The following TMEM114 variants were observed in gnomAD, a reference collection of about 807,000 sequenced individuals.
TMEM114 encodes transmembrane protein 114.
A neutral mutation model predicts 6.2 loss-of-function variants in TMEM114; 6 were observed. The observed-to-expected ratio is 0.97, with a 90% CI of 0.53 to 1.91. The LOEUF (loss-of-function observed/expected upper bound fraction) is 1.91. Among genes scored for constraint, TMEM114 ranks in the 40% most tolerant of loss-of-function variants. The pLI is 0.01. For missense variants in TMEM114, 218 were observed against 158.3 expected (o/e 1.38, Z -2.02); for synonymous variants, 104 against 73.0 (o/e 1.42, Z -2.16).
intron 2 of TMEM114, among the ~76,000 whole-genome samples, chr16:8,546,215 G>A (rs754317456): frequency 6.6e-6 from 1 of 152,158 alleles, no homozygotes; most frequent in Admixed American, 6.6e-5. Context: ...CATGCACCAC[G>A]ATGTTTCAGA....
intron 2 of TMEM114, among the ~76,000 whole-genome samples, chr16:8,540,101 G>C (rs904388349): frequency 1.3e-5 from 2 of 152,196 alleles, no homozygotes; most frequent in African/African-American, 4.8e-5. Context: ...TGGGATTACA[G>C]GCTTGAACTG....
chr16:8,560,497 G>A (rs1026100554), intron 2 of TMEM114, among the ~76,000 whole-genome samples: 1 of 152,178 alleles, frequency 6.6e-6, no homozygotes, highest in Non-Finnish European at 1.5e-5. Flanking sequence ...AGCGACTAGG[G>A]GCTGGGCACA....
At chr16:8,564,059 A>AAATGAGTGAGTGAGTGCATG (rs1471442091) in intron 2 of TMEM114, among the ~76,000 whole-genome samples, 2 of 147,650 alleles carry the variant, frequency 1.4e-5, no homozygotes, top group Admixed American at 6.7e-5. Flanking sequence ...GTGAATGAGT[A>AAATGAGTGAGTGAGTGCATG]AATGAGTGAG....
intron 2 of TMEM114, among the ~76,000 whole-genome samples, chr16:8,543,672 C>A (rs1164877485): frequency 6.6e-6 from 1 of 152,156 alleles, no homozygotes; most frequent in Non-Finnish European, 1.5e-5. Context: ...CCTAGAGCCT[C>A]CTGACCTTTC....
intron 2 of TMEM114, among the ~76,000 whole-genome samples, chr16:8,541,936 C>T (rs918130791): frequency 1.3e-5 from 2 of 152,148 alleles, no homozygotes; most frequent in East Asian, 3.8e-4. Flanking sequence ...GAACAAAGGG[C>T]TTAGAGAGAT....
At chr16:8,564,985 G>C (rs1259991468), downstream of TMEM114, among the ~76,000 whole-genome samples, 1 of 152,130 alleles carries the variant, frequency 6.6e-6, no homozygotes, top group African/African-American at 2.4e-5. Context: ...GAAAGAGTGA[G>C]TGAGTGAATG....
rs945735431 is a variant in TMEM114, at chr16:8,584,632, G to A, written c.301+4581C>T. Among the ~76,000 whole-genome samples the A allele has an allele frequency of 6.6e-5, 10 of 152,156 alleles. No homozygotes were observed. In the East Asian group the frequency reaches 1.5e-3, roughly 24 times the overall value. ...AGTCTGTTTTCATGCTGCTAATAAA[G>A]ACATACCTGGCTGGGCGTAATGGCC... On this transcript the variant is annotated intron_variant, in intron 2 of 3. Transcript: ENST00000620492.
chr16:8,573,753 A>G (rs1481080072), intron 2 of TMEM114, among the ~76,000 whole-genome samples: 1 of 152,162 alleles, frequency 6.6e-6, no homozygotes. Flanking sequence ...CACTGCATTC[A>G]CCACTGTCCA....
intron 2 of TMEM114, among the ~76,000 whole-genome samples, chr16:8,550,272 T>C (rs570066261): frequency 6.6e-6 from 1 of 152,334 alleles, no homozygotes; most frequent in East Asian, 1.9e-4. Flanking sequence ...TAGCCAGAAA[T>C]ACCCAGATAC....
At chr16:8,563,325 A>ATGAGTGAATGAG (rs1277629390) in intron 2 of TMEM114, among the ~76,000 whole-genome samples, 1 of 115,788 alleles carries the variant, frequency 8.6e-6, no homozygotes, top group Non-Finnish European at 1.8e-5. Context: ...GAGGGAGGGT[A>ATGAGTGAATGAG]TGAGTGAGTG....
Position 8,575,291 on chromosome 16 carries a change from A to G in TMEM114, c.302-3067T>C, listed in dbSNP as rs142136559. ...AGAACTTATTAAATTCAGCAAACAT[A>G]TTAAGAGTGTCTGCTGTGAGTCTAG... On this transcript the variant is annotated intron_variant, in intron 2 of 3. Transcript: ENST00000620492. Among the ~76,000 whole-genome samples the G allele has an allele frequency of 4.5e-3, 678 of 152,334 alleles. 6 individuals are homozygous for G. The highest frequency in any genetic ancestry group is 8.0e-3 in the Non-Finnish European group (545 of 68,040).
intron 2 of TMEM114, among the ~76,000 whole-genome samples, chr16:8,560,235 C>G (rs566985344): frequency 8.6e-5 from 13 of 151,882 alleles, no homozygotes; most frequent in Admixed American, 7.9e-4. Flanking sequence ...TGGGCTCAAG[C>G]GATCCTCCTG....
Position 8,589,256 on chromosome 16 carries a change from C to A in TMEM114, c.258G>T (p.Arg86Ser). Reference sequence around the variant, plus strand: ...ATTCGCTGACTGTCACGTTCTCCAGCCTGAAGGGGTTCATCAGCGGTGTGC... The same window carrying A: ...ATTCGCTGACTGTCACGTTCTCCAGACTGAAGGGGTTCATCAGCGGTGTGC... ...SPCTPLMNPF[R>S]LENVTVSESS... Residue 86 changes from arginine (R) to serine (S), a missense_variant, in exon 2 of 4, where the codon AGG becomes AGT. By Grantham distance (110) the Arg-to-Ser change is moderately radical (BLOSUM62 -1). Transcript: ENST00000620492. 1 of 398,926 alleles carries A rather than the reference C, an allele frequency of 2.5e-6. No individual in the cohort carries two copies. 24.7% of individuals were successfully genotyped at this position (398,926 alleles called of 1,614,324 possible).
chr16:8,579,772 G>C (rs767136872), intron 2 of TMEM114, among the ~76,000 whole-genome samples: 3 of 152,114 alleles, frequency 2.0e-5, no homozygotes, highest in Non-Finnish European at 2.9e-5. Flanking sequence ...TGGGAAAATT[G>C]AGGTTCAAGG....
chr16:8,563,167 G>C (rs879391189), intron 2 of TMEM114, among the ~76,000 whole-genome samples: 70 of 148,668 alleles, frequency 4.7e-4, no homozygotes, highest in Non-Finnish European at 8.4e-4. Context: ...GTGAGTGAGT[G>C]AGTAAATGAG....
chr16:8,552,707 A>AG (rs1900884968), intron 2 of TMEM114, among the ~76,000 whole-genome samples: 1 of 127,918 alleles, frequency 7.8e-6, no homozygotes, highest in African/African-American at 3.9e-5. Context: ...AATAAATAGG[A>AG]AAAAAAAAAA....
intron 2 of TMEM114, among the ~76,000 whole-genome samples, chr16:8,587,856 G>T (rs1902362580): frequency 6.6e-6 from 1 of 150,916 alleles, no homozygotes; most frequent in Non-Finnish European, 1.5e-5. Context: ...GTAGGGTTGA[G>T]TGGAGGGAGA....
At chr16:8,566,350 C>T (rs12922166), downstream of TMEM114, among the ~76,000 whole-genome samples, 95,689 of 147,628 alleles carry the variant, frequency 0.65, 31,124 homozygotes, top group East Asian at 0.74. Context: ...GCACCCCAGC[C>T]TGGGTGACAG....
At chr16:8,538,610 C>G (rs764715880) in intron 2 of TMEM114, among the ~76,000 whole-genome samples, 4 of 152,046 alleles carry the variant, frequency 2.6e-5, no homozygotes, top group African/African-American at 7.2e-5. Context: ...TGGGTCCACG[C>G]CATTCTCTTG....
Sources: gnomAD v4.1 joint callset for allele counts (sites outside exome capture counted in the v4.1 genomes callset) on GRCh38, gnomAD v4.1.1 for gene constraint, MANE v1.5 for transcripts, NCBI Gene and HGNC (gene_info 2026-07-23, HGNC 2026-07-21) for gene names.